Variants in DCAF7 observed in about 807,000 individuals in gnomAD.
The protein encoded by DCAF7 is DDB1- and CUL4-associated factor 7.
A neutral mutation model predicts 41.2 loss-of-function variants in DCAF7; 4 were observed. The observed-to-expected ratio is 0.10, with a 90% CI of 0.05 to 0.22. The LOEUF is 0.22. Among genes scored for constraint, DCAF7 ranks in the 10% least tolerant of loss-of-function variants. DCAF7 has a pLI of 1.00. For missense variants in DCAF7, 131 were observed against 443.2 expected, an observed-to-expected ratio of 0.30 and a Z score of 6.32; for synonymous variants, 143 against 164.2, an observed-to-expected ratio of 0.87 and a Z score of 0.99.
chr17:63,579,910 C>T lies in DCAF7; in HGVS notation c.495C>T (p.His165=), dbSNP rs187215262. ...VLGRVNLVSG[H]VKTQLIAHDK... ...GGCGAGTGAATCTCGTGTCTGGCCA[C>T]GTGAAGACCCAGCTGATCGCCCATG... The change falls in exon 4 of 7, where the codon CAC becomes CAT. Residue 165 remains histidine, a synonymous_variant. Transcript: ENST00000614556. 6.2e-5 allele frequency: 100 copies of T among 1,613,830 alleles called. No homozygotes were observed. The African/African-American group carries it at 9.7e-4, about 16-fold the overall frequency.
At chr17:63,570,439 G>A (rs2033493763) in intron 1 of DCAF7, among the ~76,000 whole-genome samples, 1 of 151,734 alleles carries the variant, frequency 6.6e-6, no homozygotes, top group African/African-American at 2.4e-5. Flanking sequence ...GGGCAACAGT[G>A]AGACTCCGTC....
At chr17:63,554,199 T>C (rs1414603391) in intron 1 of DCAF7, among the ~76,000 whole-genome samples, 1 of 152,212 alleles carries the variant, frequency 6.6e-6, no homozygotes, top group Non-Finnish European at 1.5e-5. Flanking sequence ...AGCCAGACCC[T>C]GTCTCAAAAA....
rs1442169231 is a variant in DCAF7 at position 63,559,375 on chromosome 17, G to GTATATATA, written c.138+8561_138+8562insATATATAT. ...TATATATATGTATGTATATATATAT[G>GTATATATA]TGTATATATATGTATATATATATGT... On this transcript the variant is annotated intron_variant, in intron 1 of 6. Transcript: ENST00000614556. Among the ~76,000 whole-genome samples, 3 of 81,176 alleles carry GTATATATA rather than the reference G, an allele frequency of 3.7e-5. No homozygotes were observed. The East Asian group carries it at 7.5e-4, about 20-fold the overall frequency. 53.3% of individuals were successfully genotyped at this position (81,176 alleles called of 152,430 possible).
chr17:63,590,869 A>G lies in DCAF7; in HGVS notation c.*1697A>G, dbSNP rs1468715423. Reference sequence around the variant, plus strand: ...GTCTTCCTTTTCAGAAGTAGATGTCATTATATGCCAAAAGTCTAGCTCTTT... The same window carrying G: ...GTCTTCCTTTTCAGAAGTAGATGTCGTTATATGCCAAAAGTCTAGCTCTTT... On this transcript the variant is annotated 3_prime_UTR_variant, in exon 7 of 7. Coordinates refer to ENST00000614556, the MANE Select transcript of DCAF7 (RefSeq NM_005828.5). 3 of 152,182 alleles carry G rather than the reference A, an allele frequency of 2.0e-5. No homozygotes were observed. Among genetic ancestry groups the G allele is most frequent in the Admixed American group, 1.3e-4 (2 of 15,278 alleles). The allele number at this position is 152,182 out of a possible 1,614,324, so 9.4% of individuals were successfully genotyped here.
chr17:63,551,891 C>CAAAAAAAAAAAAAAAAAAAAAAA lies in DCAF7; in HGVS notation c.138+1094_138+1116dup, dbSNP rs529811578. The stretch of plus-strand genomic sequence containing the variant: ...GTGAAACCCCGTCTCTACTAAAATA[C>CAAAAAAAAAAAAAAAAAAAAAAA]AAAAAAAAAAAAAAAAAAAAAAAAA... On this transcript the variant is annotated intron_variant, in intron 1 of 6. Coordinates refer to ENST00000614556, the MANE Select transcript of DCAF7 (RefSeq NM_005828.5). Among the ~76,000 whole-genome samples the CAAAAAAAAAAAAAAAAAAAAAAA allele has an allele frequency of 2.6e-4, 7 of 27,294 alleles. 2 individuals carry two copies. The highest frequency in any genetic ancestry group is 5.6e-4 in the Non-Finnish European group (7 of 12,474). 17.9% of individuals were successfully genotyped at this position (27,294 alleles called of 152,430 possible).
In DCAF7 at chr17:63,589,502, C is replaced by T. The variant is rs1291224099; in HGVS notation, c.*330C>T. On this transcript the variant is annotated 3_prime_UTR_variant, in exon 7 of 7. Coordinates refer to ENST00000614556, the MANE Select transcript of DCAF7 (RefSeq NM_005828.5). ...GGAGCAGTTCACGCACTGGCTGTGT[C>T]TATTCCTCTGCCCAGGTGTCTCTGT... The T allele has an allele frequency of 2.7e-6, 1 of 374,970 alleles. No individual in the cohort carries two copies. Among genetic ancestry groups the T allele is most frequent in the African/African-American group, 2.1e-5 (1 of 47,768 alleles). The allele number at this position is 374,970 out of a possible 1,614,324, so 23.2% of individuals were successfully genotyped here.
chr17:63,551,326 G>A (rs1305036329), intron 1 of DCAF7, among the ~76,000 whole-genome samples: 1 of 113,296 alleles, frequency 8.8e-6, no homozygotes, highest in Non-Finnish European at 1.7e-5. Flanking sequence ...GGGTACTCAT[G>A]GATCCTAGCC....
intron 1 of DCAF7, among the ~76,000 whole-genome samples, chr17:63,556,853 A>G (rs2033316712): frequency 6.6e-6 from 1 of 151,964 alleles, no homozygotes; most frequent in Non-Finnish European, 1.5e-5. Context: ...GACAGAGTGA[A>G]ACTCCATCTC....
rs2033755550 is a variant in DCAF7, at chr17:63,593,537, G to A, written c.*4365G>A. The A allele has an allele frequency of 6.6e-6, 1 of 152,646 alleles. No individual in the cohort carries two copies. Among genetic ancestry groups the A allele is most frequent in the Admixed American group, 6.5e-5 (1 of 15,290 alleles). The allele number at this position is 152,646 out of a possible 1,614,324, so 9.5% of individuals were successfully genotyped here. ...AAGAAGAAAGATGTTGACAGTCTAT[G>A]TAACAGCTGGAAAGTTTATAGGCAC... On this transcript the variant is annotated 3_prime_UTR_variant, in exon 7 of 7. Transcript: ENST00000614556.
chr17:63,564,063 T>C (rs2033414038), intron 1 of DCAF7, among the ~76,000 whole-genome samples: 1 of 151,968 alleles, frequency 6.6e-6, no homozygotes, highest in African/African-American at 2.4e-5. Context: ...TTTGACCATA[T>C]AGAAGAATGT....
chr17:63,578,126 G>T (rs1194322583), intron 1 of DCAF7, among the ~76,000 whole-genome samples: 2 of 152,214 alleles, frequency 1.3e-5, no homozygotes, highest in Non-Finnish European at 2.9e-5. Context: ...ACTTTTGGGA[G>T]GCTGAGGTGG....
chr17:63,578,872 A>C (rs1281868426), intron 2 of DCAF7, among the ~76,000 whole-genome samples: 1 of 152,242 alleles, frequency 6.6e-6, no homozygotes, highest in East Asian at 1.9e-4. Flanking sequence ...GGTGATGATG[A>C]CGGCCTTCAG....
At chr17:63,560,120 C>T (rs8069188) in intron 1 of DCAF7, among the ~76,000 whole-genome samples, 3,727 of 150,654 alleles carry the variant, frequency 0.025, 145 homozygotes, top group African/African-American at 0.082. Context: ...GATTCTTGAA[C>T]GTATGAAGAA....
At chr17:63,565,692 G>T (rs1203367363) in intron 1 of DCAF7, among the ~76,000 whole-genome samples, 1 of 152,196 alleles carries the variant, frequency 6.6e-6, no homozygotes, top group African/African-American at 2.4e-5. Flanking sequence ...GTATTGAGAG[G>T]ATTAAATGAG....
intron 6 of DCAF7, 38 bp from the exon 7 acceptor site, chr17:63,588,962 C>T (rs755379570): frequency 6.3e-7 from 1 of 1,579,078 alleles, no homozygotes; most frequent in East Asian, 2.3e-5. Flanking sequence ...CGCATTGCCT[C>T]ACTTGTGACC....
intron 1 of DCAF7, 80 bp from the exon 2 acceptor site, chr17:63,578,390 C>T: frequency 6.3e-7 from 1 of 1,578,476 alleles, no homozygotes. Context: ...CAAAAAAAAC[C>T]TCTGTCACTG....
intron 1 of DCAF7, among the ~76,000 whole-genome samples, chr17:63,571,881 A>T (rs1476127095): frequency 6.6e-6 from 1 of 151,926 alleles, no homozygotes; most frequent in Non-Finnish European, 1.5e-5. Context: ...CTTAGGCTGG[A>T]GTTGAAGGCC....
At chr17:63,551,531 A>G (rs970613752) in intron 1 of DCAF7, among the ~76,000 whole-genome samples, 8 of 152,132 alleles carry the variant, frequency 5.3e-5, no homozygotes, top group African/African-American at 1.9e-4. Flanking sequence ...CTGGACATAC[A>G]TCAATTTGAG....
rs759733619 is a variant in DCAF7 at position 63,559,421 on chromosome 17, G to GTA, written c.138+8616_138+8617dup. ...TATGTATATATATGTATATATATAC[G>GTA]TATATATATATGTGTGTGTATATAT... is the stretch of plus-strand genomic sequence containing the variant. On this transcript the variant is annotated intron_variant, in intron 1 of 6. Coordinates refer to ENST00000614556, the MANE Select transcript of DCAF7 (RefSeq NM_005828.5). Among the ~76,000 whole-genome samples, 289 of 64,742 alleles carry GTA rather than the reference G, an allele frequency of 4.5e-3. 3 individuals are homozygous for GTA. The highest frequency in any genetic ancestry group is 6.8e-3 in the Non-Finnish European group (205 of 30,342). 42.5% of individuals were successfully genotyped at this position (64,742 alleles called of 152,430 possible).
Sources: allele counts gnomAD v4.1 joint callset (sites outside exome capture counted in the v4.1 genomes callset), GRCh38; gene constraint gnomAD v4.1.1; transcripts MANE v1.5; gene names NCBI Gene and HGNC (gene_info 2026-07-23, HGNC 2026-07-21).